The following SLC2A13 variants were observed in gnomAD, a reference collection of about 807,000 sequenced individuals.
The protein encoded by SLC2A13 is solute carrier family 2 member 13.
A neutral mutation model predicts 64.4 loss-of-function variants in SLC2A13; 32 were observed. The observed-to-expected ratio is 0.50, with a 90% CI of 0.37 to 0.67. The LOEUF (loss-of-function observed/expected upper bound fraction) is 0.67. SLC2A13 is among the 30% of genes least tolerant of loss of function. SLC2A13 has a pLI of 0.00. For missense variants in SLC2A13, 743 were observed against 829.2 expected (o/e 0.90, Z 1.28); for synonymous variants, 338 against 327.1 (o/e 1.03, Z -0.36).
chr12:39,946,240 C>A (rs181669411), intron 4 of SLC2A13, among the ~76,000 whole-genome samples: 1 of 152,190 alleles, frequency 6.6e-6, no homozygotes, highest in Admixed American at 6.5e-5. Context: ...TGGATACCAG[C>A]GCCTGTTCCA....
chr12:39,924,657 T>C (rs1031392016), intron 4 of SLC2A13, among the ~76,000 whole-genome samples: 1 of 152,156 alleles, frequency 6.6e-6, no homozygotes, highest in Admixed American at 6.5e-5. Flanking sequence ...TGAATCACTG[T>C]TTTCAATTAT....
chr12:39,821,961 C>T (rs1048041524), intron 7 of SLC2A13, among the ~76,000 whole-genome samples: 1 of 152,012 alleles, frequency 6.6e-6, no homozygotes, highest in Non-Finnish European at 1.5e-5. Context: ...GGTACATGTG[C>T]ACAATGTGCA....
chr12:39,816,069 G>A (rs144410685), intron 7 of SLC2A13, among the ~76,000 whole-genome samples: 1 of 152,140 alleles, frequency 6.6e-6, no homozygotes. Flanking sequence ...AATCGATGAG[G>A]CACATAATAT....
chr12:40,077,550 T>G (rs191501626), intron 1 of SLC2A13, among the ~76,000 whole-genome samples: 1 of 152,338 alleles, frequency 6.6e-6, no homozygotes, highest in East Asian at 1.9e-4. Context: ...TTTTGGTTAC[T>G]GTAGCCATGT....
intron 1 of SLC2A13, among the ~76,000 whole-genome samples, chr12:40,100,928 G>T (rs1055583461): frequency 7.4e-6 from 1 of 135,290 alleles, no homozygotes; most frequent in Non-Finnish European, 1.5e-5. Flanking sequence ...TCTCGCCACC[G>T]TGCTCCAGCC....
chr12:39,789,536 A>C (rs1425523511), intron 7 of SLC2A13, among the ~76,000 whole-genome samples: 2 of 152,168 alleles, frequency 1.3e-5, no homozygotes, highest in Admixed American at 1.3e-4. Flanking sequence ...CATGTGTGCA[A>C]GGGTTTCTCT....
intron 4 of SLC2A13, among the ~76,000 whole-genome samples, chr12:39,940,402 G>A (rs1258610996): frequency 6.6e-6 from 1 of 151,614 alleles, no homozygotes; most frequent in African/African-American, 2.4e-5. Flanking sequence ...TTTCCTGATT[G>A]CGTGGTAATT....
In SLC2A13 at chr12:39,941,724, A is replaced by G. The variant is rs538549596; in HGVS notation, c.1034+9533T>C. 1.2e-3 allele frequency among the ~76,000 whole-genome samples: 180 copies of G among 151,640 alleles called. 2 individuals are homozygous for G. The highest frequency in any genetic ancestry group is 2.5e-3 in the South Asian group (12 of 4,810). ...TTCTCCCACTCTGTGGGAGGTCCCA[A>G]TTATTTATCTTTGTTTTTATTGCAT... On this transcript the variant is annotated intron_variant, in intron 4 of 9. Coordinates refer to ENST00000280871, the MANE Select transcript of SLC2A13 (RefSeq NM_052885.4).
intron 7 of SLC2A13, among the ~76,000 whole-genome samples, chr12:39,804,298 T>C (rs1028025782): frequency 4.6e-5 from 7 of 152,302 alleles, no homozygotes; most frequent in African/African-American, 1.4e-4. Context: ...AATGTCATTA[T>C]AATAAAATGT....
intron 3 of SLC2A13, among the ~76,000 whole-genome samples, chr12:40,001,419 C>A (rs1429887043): frequency 6.6e-6 from 1 of 152,234 alleles, no homozygotes; most frequent in Non-Finnish European, 1.5e-5. Flanking sequence ...ATGCTGTTAT[C>A]TTTTCTAAAA....
chr12:39,809,772 C>T (rs1030944395), intron 7 of SLC2A13, among the ~76,000 whole-genome samples: 1 of 151,990 alleles, frequency 6.6e-6, no homozygotes, highest in African/African-American at 2.4e-5. Flanking sequence ...TTTTTTTGTC[C>T]TTGCGATAGT....
intron 7 of SLC2A13, among the ~76,000 whole-genome samples, chr12:39,806,876 A>ACAATACTACTCAG (rs1941992942): frequency 6.6e-6 from 1 of 152,182 alleles, no homozygotes; most frequent in Non-Finnish European, 1.5e-5. Context: ...TTCATACTAT[A>ACAATACTACTCAG]CAATACTACT....
intron 7 of SLC2A13, among the ~76,000 whole-genome samples, chr12:39,786,671 A>C (rs1274570573): frequency 6.6e-6 from 1 of 152,212 alleles, no homozygotes; most frequent in African/African-American, 2.4e-5. Flanking sequence ...AATCAGAGTC[A>C]GAAACTTTTA....
At chr12:39,862,139 T>C (rs1460493681) in intron 6 of SLC2A13, among the ~76,000 whole-genome samples, 3 of 152,184 alleles carry the variant, frequency 2.0e-5, no homozygotes, top group Non-Finnish European at 4.4e-5. Context: ...GTCCAGAGAA[T>C]TGAATCAGGC....
At chr12:39,782,665 G>C (rs1286535099) in intron 7 of SLC2A13, among the ~76,000 whole-genome samples, 1 of 152,130 alleles carries the variant, frequency 6.6e-6, no homozygotes, top group Non-Finnish European at 1.5e-5. Flanking sequence ...ATTGGAACTG[G>C]GTAACAGACA....
At chr12:39,916,957 G>A (rs1021864991) in intron 4 of SLC2A13, among the ~76,000 whole-genome samples, 1 of 152,074 alleles carries the variant, frequency 6.6e-6, no homozygotes, top group African/African-American at 2.4e-5. Context: ...GTGATCTCCT[G>A]AGACTATGAG....
At chr12:39,966,140 G>GAA (rs1210413641) in intron 3 of SLC2A13, among the ~76,000 whole-genome samples, 1 of 147,918 alleles carries the variant, frequency 6.8e-6, no homozygotes, top group Non-Finnish European at 1.5e-5. Context: ...TATATATATA[G>GAA]AGAGAGAGAG....
At chr12:39,796,265 A>G (rs1442287783) in intron 7 of SLC2A13, among the ~76,000 whole-genome samples, 1 of 152,038 alleles carries the variant, frequency 6.6e-6, no homozygotes, top group Non-Finnish European at 1.5e-5. Flanking sequence ...TGACCATGTG[A>G]CTAAATTTTT....
intron 4 of SLC2A13, among the ~76,000 whole-genome samples, chr12:39,927,007 A>AACAT (rs1945742310): frequency 1.3e-5 from 2 of 152,236 alleles, no homozygotes; most frequent in African/African-American, 2.4e-5. Context: ...TGGACAATTG[A>AACAT]TAAAGCAATC....
Sources: gnomAD v4.1 joint callset for allele counts (sites outside exome capture counted in the v4.1 genomes callset) on GRCh38, gnomAD v4.1.1 for gene constraint, MANE v1.5 for transcripts, NCBI Gene and HGNC (gene_info 2026-07-23, HGNC 2026-07-21) for gene names.